Variants in ELOVL6 observed in about 807,000 individuals in gnomAD.
The protein encoded by ELOVL6 is very long chain fatty acid elongase 6.
A neutral mutation model predicts 31.7 loss-of-function variants in ELOVL6; 8 were observed. That is an observed-to-expected ratio of 0.25 (90% CI 0.15 to 0.45). The LOEUF (loss-of-function observed/expected upper bound fraction) is 0.45. ELOVL6 is among the 20% of genes least tolerant of loss of function. ELOVL6 has a pLI of 1.00. For synonymous variants in ELOVL6, 101 were observed against 117.7 expected (o/e 0.86, Z 0.92); for missense variants, 126 against 326.4 (o/e 0.39, Z 4.73).
intron 2 of ELOVL6, among the ~76,000 whole-genome samples, chr4:110,095,774 C>G: frequency 6.6e-6 from 1 of 151,142 alleles, no homozygotes; most frequent in East Asian, 2.0e-4. Flanking sequence ...AAGATGTGAA[C>G]TGACAAAGAC....
chr4:110,160,163 T>A (rs1241002537), intron 1 of ELOVL6, among the ~76,000 whole-genome samples: 2 of 152,072 alleles, frequency 1.3e-5, no homozygotes, highest in Non-Finnish European at 2.9e-5. Context: ...TAACAGTGTA[T>A]CTTGGAGATC....
intron 3 of ELOVL6, among the ~76,000 whole-genome samples, chr4:110,052,229 G>GA (rs1560797660): frequency 6.6e-6 from 1 of 152,202 alleles, no homozygotes; most frequent in African/African-American, 2.4e-5. Context: ...CAGACTGGAA[G>GA]TCAAGTGCCC....
At position 110,084,091 on chromosome 4, in the gene ELOVL6, A is replaced by ATC. The variant is rs1174361948; in HGVS notation, c.221+21405_221+21406insGA. Among the ~76,000 whole-genome samples, 59 of 109,806 alleles carry ATC rather than the reference A, an allele frequency of 5.4e-4. 1 individual carries two copies. The highest frequency in any genetic ancestry group is 9.3e-4 in the Non-Finnish European group (47 of 50,420). 72.0% of individuals were successfully genotyped at this position (109,806 alleles called of 152,430 possible). A position where few individuals can be genotyped will look rare whatever the true frequency, so the allele number is the denominator to read the frequency against. ...CATATATATGCTATATATGATATATAACATATATATGATATATATGATATA... is the reference window on the plus strand; with the variant it reads ...CATATATATGCTATATATGATATATATCACATATATATGATATATATGATATA... On this transcript the variant is annotated intron_variant, in intron 2 of 3. Transcript: ENST00000302274.
intron 2 of ELOVL6, among the ~76,000 whole-genome samples, chr4:110,082,819 A>G (rs912284641): frequency 6.6e-6 from 1 of 152,232 alleles, no homozygotes; most frequent in African/African-American, 2.4e-5. Flanking sequence ...CTGTCAAGGG[A>G]CGCATGACTG....
At chr4:110,080,745 A>G in intron 2 of ELOVL6, among the ~76,000 whole-genome samples, 1 of 152,310 alleles carries the variant, frequency 6.6e-6, no homozygotes, top group East Asian at 1.9e-4. Flanking sequence ...TGGCCAGGGT[A>G]ATCAGGCAGG....
intron 1 of ELOVL6, among the ~76,000 whole-genome samples, chr4:110,197,304 C>G (rs182957462): frequency 5.3e-5 from 8 of 152,330 alleles, no homozygotes; most frequent in Admixed American, 5.2e-4. Context: ...GCACACCCTC[C>G]TCTGTTAAAT....
intron 1 of ELOVL6, among the ~76,000 whole-genome samples, chr4:110,189,838 G>C (rs75438035): frequency 0.046 from 7,008 of 151,576 alleles, 407 homozygotes; most frequent in Admixed American, 0.14. Flanking sequence ...GTGATTGTGG[G>C]CGCCTGTAGT....
chr4:110,147,515 T>C (rs1196852371), intron 1 of ELOVL6, among the ~76,000 whole-genome samples: 2 of 152,166 alleles, frequency 1.3e-5, no homozygotes, highest in East Asian at 1.9e-4. Context: ...GAGAAAATAT[T>C]TGCAAATGAT....
At position 110,050,155 on chromosome 4, in the gene ELOVL6, A is replaced by C. The variant is rs1309306782; in HGVS notation, c.*1183T>G. The C allele has an allele frequency of 6.6e-6, 1 of 152,564 alleles. No individual in the cohort carries two copies. Among genetic ancestry groups the C allele is most frequent in the African/African-American group, 2.4e-5 (1 of 41,424 alleles). 9.5% of individuals were successfully genotyped at this position (152,564 alleles called of 1,614,324 possible). A position where few individuals can be genotyped will look rare whatever the true frequency, so the allele number is the denominator to read the frequency against. On this transcript the variant is annotated 3_prime_UTR_variant, in exon 4 of 4. Coordinates refer to ENST00000302274, the MANE Select transcript of ELOVL6 (RefSeq NM_024090.3). Reference sequence around the variant, plus strand: ...CAGAGGGCCCTTTAAACACCTCTACATTGCTTGGGGAGCAAATGCAGATGA... The same window carrying C: ...CAGAGGGCCCTTTAAACACCTCTACCTTGCTTGGGGAGCAAATGCAGATGA...
chr4:110,051,830 T>C lies in ELOVL6; in HGVS notation c.374-68A>G. 1 of 1,368,618 alleles carries C rather than the reference T, an allele frequency of 7.3e-7. No individual in the cohort carries two copies. Among genetic ancestry groups the C allele is most frequent in the Non-Finnish European group, 1.0e-6 (1 of 989,048 alleles). 84.8% of individuals were successfully genotyped at this position (1,368,618 alleles called of 1,614,324 possible). ...CCAGTAACGATGACTTACAGTTTTG[T>C]AAGAGGGTAGACATCCTGAGCTAGG... On this transcript the variant is annotated intron_variant, in intron 3 of 3. Transcript: ENST00000302274. The surrounding 1 kb of genome is among the most constrained non-coding windows in gnomAD (Gnocchi z 4.8).
intron 1 of ELOVL6, among the ~76,000 whole-genome samples, chr4:110,123,343 A>C: frequency 6.6e-6 from 1 of 152,184 alleles, no homozygotes. Context: ...TAAATCTTGA[A>C]ATGATTTAAA....
intron 2 of ELOVL6, among the ~76,000 whole-genome samples, chr4:110,082,840 G>C (rs1230185229): frequency 6.6e-6 from 1 of 152,178 alleles, no homozygotes; most frequent in African/African-American, 2.4e-5. Context: ...TGTATGATAG[G>C]CCATGTGTGT....
intron 1 of ELOVL6, among the ~76,000 whole-genome samples, chr4:110,143,204 T>C (rs1046653306): frequency 1.3e-5 from 2 of 151,794 alleles, no homozygotes; most frequent in Admixed American, 6.6e-5. Context: ...AGTAGTGGCA[T>C]ATTTCATCAA....
At chr4:110,195,043 A>G (rs1323508979) in intron 1 of ELOVL6, among the ~76,000 whole-genome samples, 1 of 152,164 alleles carries the variant, frequency 6.6e-6, no homozygotes, top group Admixed American at 6.5e-5. Flanking sequence ...GTAAGATTTT[A>G]TGGTTTCCTC....
At chr4:110,147,278 T>TAAAAAAAA (rs34418243) in intron 1 of ELOVL6, 52 of 129,364 alleles carry the variant, frequency 4.0e-4, no homozygotes, top group Non-Finnish European at 5.8e-4. Context: ...CAATTAAAAG[T>TAAAAAAAA]AAAAAAAAAA....
At chr4:110,076,958 G>A (rs1321704762) in intron 2 of ELOVL6, among the ~76,000 whole-genome samples, 1 of 152,216 alleles carries the variant, frequency 6.6e-6, no homozygotes, top group Non-Finnish European at 1.5e-5. Context: ...TGGCTCGGAG[G>A]GTCCTACGCC....
In ELOVL6 at chr4:110,128,182, C is replaced by G. The variant is rs116304379; in HGVS notation, c.90-22554G>C. Among the ~76,000 whole-genome samples the G allele has an allele frequency of 9.3e-3, 1,414 of 152,140 alleles. 19 individuals are homozygous for G. The highest frequency in any genetic ancestry group is 0.033 in the African/African-American group (1,367 of 41,492). Reference sequence around the variant, plus strand: ...GCCTGGCAAAGAAAGTGAGAGGGAACAGTATGGGCAAAGAGCCAGAGGCAT... The same window carrying G: ...GCCTGGCAAAGAAAGTGAGAGGGAAGAGTATGGGCAAAGAGCCAGAGGCAT... On this transcript the variant is annotated intron_variant, in intron 1 of 3. Transcript: ENST00000302274.
At chr4:110,128,677 TCAGA>T (rs1179654267) in intron 1 of ELOVL6, among the ~76,000 whole-genome samples, 1 of 152,234 alleles carries the variant, frequency 6.6e-6, no homozygotes, top group Non-Finnish European at 1.5e-5. Context: ...ACAGTTTCAC[TCAGA>T]CACTTATCTG....
At chr4:110,154,222 G>A (rs979882485) in intron 1 of ELOVL6, among the ~76,000 whole-genome samples, 2 of 151,946 alleles carry the variant, frequency 1.3e-5, no homozygotes, top group South Asian at 4.2e-4. Context: ...GACTATAGGT[G>A]TGTGACACCA....
Sources: allele counts gnomAD v4.1 joint callset (sites outside exome capture counted in the v4.1 genomes callset), GRCh38; gene constraint gnomAD v4.1.1; non-coding constraint Gnocchi (gnomAD v3.1); transcripts MANE v1.5; gene names NCBI Gene and HGNC (gene_info 2026-07-23, HGNC 2026-07-21).